ABCG4: variants seen among roughly 807,000 people sequenced by gnomAD.
ABCG4 encodes the protein ATP binding cassette subfamily G member 4.
In ABCG4, 35 loss-of-function variants were observed where a neutral mutation model predicts 64.6. That is an observed-to-expected ratio of 0.54 (90% CI 0.41 to 0.72). The LOEUF is 0.72. Ranked by LOEUF, ABCG4 falls within the 30% of genes least tolerant of loss-of-function variation. The pLI is 0.00. For synonymous variants in ABCG4, 326 were observed against 348.2 expected, an observed-to-expected ratio of 0.94 and a Z score of 0.71; for missense variants, 610 against 846.3, an observed-to-expected ratio of 0.72 and a Z score of 3.46.
chr11:119,158,453 G>A lies in ABCG4; in HGVS notation c.1168-104G>A. ...CACAGCCCTGCAATGTGCCTGTGGG[G>A]TCTCTGTGCCTGTGAGGGCAGCTCC... On this transcript the variant is annotated intron_variant, in intron 10 of 14. Transcript: ENST00000619701. The surrounding 1 kb of genome is among the most constrained non-coding windows in gnomAD (Gnocchi z 4.5). 1 of 1,562,662 alleles carries A rather than the reference G, an allele frequency of 6.4e-7. No homozygotes were observed. The highest frequency in any genetic ancestry group is 8.8e-7 in the Non-Finnish European group (1 of 1,134,352).
chr11:119,150,303 A>G lies in ABCG4; in HGVS notation c.238+100A>G. On this transcript the variant is annotated intron_variant, in intron 2 of 14. Transcript: ENST00000619701. This position sits in a 1 kb window ranked among gnomAD's most constrained non-coding sequence, Gnocchi z 4.3. ...TCCCATGTTCGGAAAGTCCTGCACC[A>G]GTGGGCTCTGTGGAAACACTAAAAT... is the stretch of plus-strand genomic sequence containing the variant. The G allele has an allele frequency of 1.3e-6, 2 of 1,481,994 alleles. No homozygotes were observed. Among genetic ancestry groups the G allele is most frequent in the Non-Finnish European group, 1.8e-6 (2 of 1,101,668 alleles). The allele number at this position is 1,481,994 out of a possible 1,614,324, so 91.8% of individuals were successfully genotyped here. A position where few individuals can be genotyped will look rare whatever the true frequency, so the allele number is the denominator to read the frequency against.
chr11:119,161,099 A>T lies in ABCG4; in HGVS notation c.1934A>T (p.Glu645Val), dbSNP rs1948345810. The change falls in exon 15 of 15, where the codon GAG becomes GTG. Residue 645 changes from glutamate to valine, a missense_variant. Glu to Val is a moderately radical substitution (Grantham distance 121). Transcript: ENST00000619701. ...GTGCTGCGTTACCGGGTCAAGTCAG[A>T]GAGATAGAGGCTTGCCCCAGCCTGT... Reference protein sequence around the residue: ...YLVLRYRVKSER With the variant: ...YLVLRYRVKSVR The T allele has an allele frequency of 2.0e-5, 33 of 1,613,268 alleles. No individual in the cohort carries two copies. Among genetic ancestry groups the T allele is most frequent in the Non-Finnish European group, 2.7e-5 (32 of 1,179,716 alleles).
chr11:119,153,332 C>T (rs1295861107), intron 2 of ABCG4: 2 of 153,538 alleles, frequency 1.3e-5, no homozygotes, highest in African/African-American at 2.4e-5. Context: ...TGCTGCCTTC[C>T]AATGAATGAA....
Position 119,161,139 on chromosome 11 carries a change from A to T in ABCG4, c.*33A>T. On this transcript the variant is annotated 3_prime_UTR_variant, in exon 15 of 15. Coordinates refer to ENST00000619701, the MANE Select transcript of ABCG4 (RefSeq NM_022169.5). ...CCCCAGCCTGTACCCCAGCCCCTGC[A>T]GCAGGAAGCCCCCAGTCCCAGCCCT... The T allele has an allele frequency of 6.3e-7, 1 of 1,592,348 alleles. No homozygotes were observed. The highest frequency in any genetic ancestry group is 8.6e-7 in the Non-Finnish European group (1 of 1,165,660).
chr11:119,156,750 C>T lies in ABCG4; in HGVS notation c.925+72C>T. On this transcript the variant is annotated intron_variant, in intron 8 of 14. Coordinates refer to ENST00000619701, the MANE Select transcript of ABCG4 (RefSeq NM_022169.5). The surrounding 1 kb of genome is among the most constrained non-coding windows in gnomAD (Gnocchi z 5.5). ...AACCTGGGGTCTCTGGTCTTGCACT[C>T]AGGCCTCCTAGGGGTAGAGATCTCA... 1 of 1,594,340 alleles carries T rather than the reference C, an allele frequency of 6.3e-7. No homozygotes were observed. Among genetic ancestry groups the T allele is most frequent in the South Asian group, 1.1e-5 (1 of 90,484 alleles).
rs111232065 is a variant in ABCG4, at chr11:119,157,153, G to A, written c.1068+139G>A. 8.4e-5 allele frequency: 98 copies of A among 1,168,262 alleles called. 4 individuals are homozygous for A. The African/African-American group carries it at 9.4e-4, about 11-fold the overall frequency. 72.4% of individuals were successfully genotyped at this position (1,168,262 alleles called of 1,614,324 possible). ...TAGGAAGAACCTAGGACTTGGAATCGACCTACTAGGAACAGCACTGTGACC... is the reference window on the plus strand; with the variant it reads ...TAGGAAGAACCTAGGACTTGGAATCAACCTACTAGGAACAGCACTGTGACC... On this transcript the variant is annotated intron_variant, in intron 9 of 14. Coordinates refer to ENST00000619701, the MANE Select transcript of ABCG4 (RefSeq NM_022169.5).
Position 119,161,301 on chromosome 11 carries a change from C to T in ABCG4, c.*195C>T, listed in dbSNP as rs577146402. Reference sequence around the variant, plus strand: ...CTGGGAGTGGGGGCTCCAGCCCTCCCCACTATGCCCAGGAGTCTTCCCAAG... The same window carrying T: ...CTGGGAGTGGGGGCTCCAGCCCTCCTCACTATGCCCAGGAGTCTTCCCAAG... On this transcript the variant is annotated 3_prime_UTR_variant, in exon 15 of 15. Transcript: ENST00000619701. The T allele has an allele frequency of 4.6e-5, 27 of 581,684 alleles. No individual in the cohort carries two copies. In the Admixed American group the frequency reaches 8.3e-4, roughly 18 times the overall value. 36.0% of individuals were successfully genotyped at this position (581,684 alleles called of 1,614,324 possible).
In ABCG4 at chr11:119,156,598, A is replaced by G. The variant is rs986593942; in HGVS notation, c.845A>G (p.Lys282Arg). 11 of 1,614,092 alleles carry G rather than the reference A, an allele frequency of 6.8e-6. No homozygotes were observed. The highest frequency in any genetic ancestry group is 8.5e-6 in the Non-Finnish European group (10 of 1,180,008). Residue 282 changes from lysine to arginine, a missense_variant, in exon 8 of 15, where the codon AAA becomes AGA. By Grantham distance (26) the Lys-to-Arg change is conservative. Transcript: ENST00000619701. The surrounding 1 kb of genome is among the most constrained non-coding windows in gnomAD (Gnocchi z 5.5). Reference protein sequence around the residue: ...YILSQGQCIFKGVVTNLIPYL... With the variant: ...YILSQGQCIFRGVVTNLIPYL... ...CTGAGCCAGGGTCAGTGCATCTTCA[A>G]AGGCGTGGTCACCAACCTGATCCCC...
In ABCG4 at chr11:119,157,013, C is replaced by T. The variant is rs769128490; in HGVS notation, c.1067C>T (p.Pro356Leu). The T allele has an allele frequency of 4.4e-6, 7 of 1,603,908 alleles. No homozygotes were observed. Among genetic ancestry groups the T allele is most frequent in the African/African-American group, 2.7e-5 (2 of 74,592 alleles). Reference sequence around the variant, plus strand: ...CCTGCCCCATGCCCTCCTTGTCCTCCGGTGAGTAGGGGTGGAGAGGGCAGA... The same window carrying T: ...CCTGCCCCATGCCCTCCTTGTCCTCTGGTGAGTAGGGGTGGAGAGGGCAGA... ...EVPAPCPPCP[P>L]EVDPIESHTF... The change falls in exon 9 of 15, where the codon CCG becomes CTG. Residue 356 changes from proline (P) to leucine (L), a missense_variant and splice_region_variant. Physicochemically the swap from Pro to Leu is moderately conservative, Grantham distance 98. Coordinates refer to ENST00000619701, the MANE Select transcript of ABCG4 (RefSeq NM_022169.5).
In ABCG4 at chr11:119,162,070, G is replaced by A. The variant is rs544615829; in HGVS notation, c.*964G>A. ...CATGCTGGTGGTGGCGGGTGCTGGT[G>A]GGAGGACAGTGCCAACCTCCTCCTG... is the stretch of plus-strand genomic sequence containing the variant. On this transcript the variant is annotated 3_prime_UTR_variant, in exon 15 of 15. Transcript: ENST00000619701. 9 of 153,560 alleles carry A rather than the reference G, an allele frequency of 5.9e-5. No individual in the cohort carries two copies. The highest frequency in any genetic ancestry group is 1.7e-4 in the African/African-American group (7 of 41,530). The allele number at this position is 153,560 out of a possible 1,614,324, so 9.5% of individuals were successfully genotyped here.
In ABCG4 at chr11:119,156,564, C is replaced by T; in HGVS notation, c.811C>T (p.Leu271Phe). 4 of 1,614,142 alleles carry T rather than the reference C, an allele frequency of 2.5e-6. No homozygotes were observed. Among genetic ancestry groups the T allele is most frequent in the Non-Finnish European group, 3.4e-6 (4 of 1,180,012 alleles). Residue 271 changes from leucine to phenylalanine, a missense_variant and splice_region_variant, in exon 8 of 15, where the codon CTC (leucine) becomes TTC (phenylalanine). Transcript: ENST00000619701. The surrounding 1 kb of genome is among the most constrained non-coding windows in gnomAD (Gnocchi z 5.5). ...SAKLFEMFDK[L>F]YILSQGQCIF... ...CCTTACCCTTCTCTTTCTGCTGCAG[C>T]TCTACATCCTGAGCCAGGGTCAGTG...
In ABCG4 at chr11:119,156,845, A is replaced by G. The variant is rs1373228248; in HGVS notation, c.926-27A>G. The G allele has an allele frequency of 6.3e-7, 1 of 1,598,456 alleles. No homozygotes were observed. Among genetic ancestry groups the G allele is most frequent in the Admixed American group, 1.7e-5 (1 of 58,578 alleles). ...CCTTGGGAAGTGAGTGTGAATCTAA[A>G]CTGAGCTCTCCACTCTGTGTCCCCA... On this transcript the variant is annotated intron_variant, in intron 8 of 14. Coordinates refer to ENST00000619701, the MANE Select transcript of ABCG4 (RefSeq NM_022169.5). The surrounding 1 kb of genome is among the most constrained non-coding windows in gnomAD (Gnocchi z 5.5).
At position 119,154,954 on chromosome 11, in the gene ABCG4, C is replaced by T. The variant is rs1237810487; in HGVS notation, c.686+39C>T. On this transcript the variant is annotated intron_variant, in intron 6 of 14. Coordinates refer to ENST00000619701, the MANE Select transcript of ABCG4 (RefSeq NM_022169.5). The surrounding 1 kb of genome is among the most constrained non-coding windows in gnomAD (Gnocchi z 7.0). ...CCCTTTCCCACCAGGATACCCCTCT[C>T]CTCTCGGCCCTGAGCCAGGGCTGGA... 8 of 1,576,856 alleles carry T rather than the reference C, an allele frequency of 5.1e-6. No individual in the cohort carries two copies. The highest frequency in any genetic ancestry group is 1.3e-5 in the African/African-American group (1 of 74,530).
chr11:119,154,868 G>A lies in ABCG4; in HGVS notation c.639G>A (p.Leu213=), dbSNP rs1565814274. The part of the protein sequence containing the change: ...GGQRKRLAIA[L]ELVNNPPVMF... ...AGAGGAAGCGTCTGGCCATCGCCCT[G>A]GAGCTGGTCAACAACCCGCCTGTCA... Residue 213 remains leucine, a synonymous_variant, in exon 6 of 15, where the codon CTG becomes CTA. Transcript: ENST00000619701. This position sits in a 1 kb window ranked among gnomAD's most constrained non-coding sequence, Gnocchi z 7.0. 2 of 1,613,960 alleles carry A rather than the reference G, an allele frequency of 1.2e-6. No homozygotes were observed. The highest frequency in any genetic ancestry group is 1.7e-6 in the Non-Finnish European group (2 of 1,179,818).
chr11:119,162,564 C>T lies in ABCG4; in HGVS notation c.*1458C>T, dbSNP rs566583879. The stretch of plus-strand genomic sequence containing the variant: ...ACACATCCCTGTCTACCTCCTCTCA[C>T]CCTGCCACAGATTCTTCCTATCACA... On this transcript the variant is annotated 3_prime_UTR_variant, in exon 15 of 15. Transcript: ENST00000619701. The T allele has an allele frequency of 3.3e-5, 5 of 152,430 alleles. No homozygotes were observed. In the East Asian group the frequency reaches 9.6e-4, roughly 29 times the overall value. The allele number at this position is 152,430 out of a possible 1,614,324, so 9.4% of individuals were successfully genotyped here.
chr11:119,157,875 ACAAAACAAAACAAAAAAAACC>A (rs796926646), intron 9 of ABCG4, among the ~76,000 whole-genome samples: 3 of 152,104 alleles, frequency 2.0e-5, no homozygotes, highest in Non-Finnish European at 2.9e-5. Flanking sequence ...CAAAAACAAA[ACAAAACAAAACAAAAAAAACC>A]CAAAACAAAA....
At position 119,161,047 on chromosome 11, in the gene ABCG4, C is replaced by G. The variant is rs536060950; in HGVS notation, c.1882C>G (p.Leu628Val). 49 of 1,614,060 alleles carry G rather than the reference C, an allele frequency of 3.0e-5. 1 individual carries two copies. In the South Asian group the frequency reaches 5.2e-4, roughly 17 times the overall value. ...CTTCCTGGTCTTGGGCATCTTCTTC[C>G]TAGCCCTGCGGCTGCTGGCCTACCT... ...MDFLVLGIFF[L>V]ALRLLAYLVL... Residue 628 changes from leucine (L) to valine (V), a missense_variant, in exon 15 of 15, where the codon CTA becomes GTA. Leu to Val is a conservative substitution (Grantham distance 32). Transcript: ENST00000619701.
chr11:119,155,981 GC>G lies in ABCG4; in HGVS notation c.687-343del. On this transcript the variant is annotated intron_variant, in intron 6 of 14. Transcript: ENST00000619701. The surrounding 1 kb of genome is among the most constrained non-coding windows in gnomAD (Gnocchi z 4.5). ...CACCTGCTACAGCTGAGCTGAATCC[GC>G]CCCCTCTTTCACCCAGTGTTGCTAC... 1 of 258,470 alleles carries G rather than the reference GC, an allele frequency of 3.9e-6. No individual in the cohort carries two copies. The highest frequency in any genetic ancestry group is 4.9e-5 in the Admixed American group (1 of 20,228). The allele number at this position is 258,470 out of a possible 1,614,324, so 16.0% of individuals were successfully genotyped here. A position where few individuals can be genotyped will look rare whatever the true frequency, so the allele number is the denominator to read the frequency against.
chr11:119,156,821 C>G lies in ABCG4; in HGVS notation c.926-51C>G, dbSNP rs1336509991. ...ACACCCAAGGCGGGACTGACTTGCC[C>G]TTGGGAAGTGAGTGTGAATCTAAAC... is the stretch of plus-strand genomic sequence containing the variant. On this transcript the variant is annotated intron_variant, in intron 8 of 14. Transcript: ENST00000619701. This position sits in a 1 kb window ranked among gnomAD's most constrained non-coding sequence, Gnocchi z 5.5. The G allele has an allele frequency of 1.9e-6, 3 of 1,592,174 alleles. No homozygotes were observed. The highest frequency in any genetic ancestry group is 2.3e-5 in the South Asian group (2 of 88,532).
Sources: allele counts gnomAD v4.1 joint callset (sites outside exome capture counted in the v4.1 genomes callset), GRCh38; gene constraint gnomAD v4.1.1; non-coding constraint Gnocchi (gnomAD v3.1); transcripts MANE v1.5; gene names NCBI Gene and HGNC (gene_info 2026-07-23, HGNC 2026-07-21).